The following KDM3A variants were observed in gnomAD, a reference collection of about 807,000 sequenced individuals.
KDM3A encodes lysine-specific demethylase 3A.
KDM3A carries 60 observed loss-of-function variants against 158.0 expected under a neutral mutation model. The observed-to-expected ratio is 0.38, with a 90% CI of 0.31 to 0.47. KDM3A has a LOEUF of 0.47. Among genes scored for constraint, KDM3A ranks in the 20% least tolerant of loss-of-function variants. KDM3A has a pLI of 0.99. For missense variants in KDM3A, 1,319 were observed against 1,574.3 expected, an observed-to-expected ratio of 0.84 and a Z score of 2.74; for synonymous variants, 608 against 549.3, an observed-to-expected ratio of 1.11 and a Z score of -1.49.
chr2:86,484,392 G>GTC (rs976869126), intron 19 of KDM3A, among the ~76,000 whole-genome samples: 2 of 152,174 alleles, frequency 1.3e-5, no homozygotes, highest in South Asian at 2.1e-4. Context: ...GATAGGGTCA[G>GTC]TCTCTCTCTC....
chr2:86,490,360 G>C (rs934679176), intron 23 of KDM3A: 1 of 152,930 alleles, frequency 6.5e-6, no homozygotes, highest in Admixed American at 6.5e-5. Flanking sequence ...GCATTTGTTT[G>C]AATCAAAGTG....
At chr2:86,469,674 AG>A (rs2104671605) in intron 10 of KDM3A, among the ~76,000 whole-genome samples, 1 of 152,332 alleles carries the variant, frequency 6.6e-6, no homozygotes, top group South Asian at 2.1e-4. Flanking sequence ...ACAGGCATTT[AG>A]AAGATGCTCT....
chr2:86,480,270 C>A lies in KDM3A; in HGVS notation c.2420C>A (p.Ala807Asp), dbSNP rs755035512. 19 of 1,613,862 alleles carry A rather than the reference C, an allele frequency of 1.2e-5. No individual in the cohort carries two copies. Among genetic ancestry groups the A allele is most frequent in the Non-Finnish European group, 1.6e-5 (19 of 1,180,008 alleles). The change falls in exon 16 of 26, where the codon GCC (alanine) becomes GAC (aspartate). Residue 807 changes from alanine (A) to aspartate (D), a missense_variant. Ala to Asp is a moderately radical substitution (Grantham distance 126). Coordinates refer to ENST00000312912, the MANE Select transcript of KDM3A (RefSeq NM_018433.6). ...AVGGEAASKP[A>D]GSMKPACPAS... ...GGTGGGGAAGCAGCCTCCAAGCCAG[C>A]CGGCAGCATGAAGCCTGCCTGTCCA...
At chr2:86,462,060 G>A (rs1016482497) in intron 8 of KDM3A, among the ~76,000 whole-genome samples, 3 of 151,980 alleles carry the variant, frequency 2.0e-5, no homozygotes, top group Admixed American at 6.6e-5. Context: ...ATGGAAGGAA[G>A]GTTGGTTAGG....
intron 2 of KDM3A, among the ~76,000 whole-genome samples, chr2:86,446,640 G>A (rs1682967769): frequency 6.6e-6 from 1 of 152,136 alleles, no homozygotes; most frequent in South Asian, 2.1e-4. Context: ...CATCTGGGAG[G>A]CAGAGGATGC....
chr2:86,475,370 C>T (rs112272054), intron 12 of KDM3A, among the ~76,000 whole-genome samples: 296 of 152,330 alleles, frequency 1.9e-3, no homozygotes, highest in African/African-American at 6.7e-3. Context: ...GGCTGACTCT[C>T]AGACCTACCG....
At position 86,449,953 on chromosome 2, in the gene KDM3A, G is replaced by T. The variant is rs1672373134; in HGVS notation, c.333G>T (p.Trp111Cys). Residue 111 changes from tryptophan to cysteine, a missense_variant, in exon 3 of 26, where the codon TGG becomes TGT. Around this residue, in one of 4 missense-constraint regions of KDM3A, gnomAD observed 652 missense variants for 627.2 expected, o/e 1.04. Coordinates refer to ENST00000312912, the MANE Select transcript of KDM3A (RefSeq NM_018433.6). ...SPEISERIVQWPAITYKPLLD... is the reference protein window; with the variant it reads ...SPEISERIVQCPAITYKPLLD... ...AAATTTCTGAACGAATTGTACAGTG[G>T]CCTGCAATAGTGAGTAAAACTTGGG... 6.2e-7 allele frequency: 1 copy of T among 1,610,642 alleles called. No individual in the cohort carries two copies.
In KDM3A at chr2:86,487,753, T is replaced by A. The variant is rs530738035; in HGVS notation, c.3314-1565T>A. On this transcript the variant is annotated intron_variant, in intron 21 of 25. Transcript: ENST00000312912. Reference sequence around the variant, plus strand: ...GATGTTTTGTTGTCTAGCACTCCTTTCCCTTTGACCATTATGTTTTTACAA... The same window carrying A: ...GATGTTTTGTTGTCTAGCACTCCTTACCCTTTGACCATTATGTTTTTACAA... 3 of 152,420 alleles carry A rather than the reference T, an allele frequency of 2.0e-5. No individual in the cohort carries two copies. The East Asian group carries it at 5.8e-4, about 29-fold the overall frequency. 9.4% of individuals were successfully genotyped at this position (152,420 alleles called of 1,614,324 possible).
rs200567558 is a variant in KDM3A at position 86,449,907 on chromosome 2, T to C, written c.287T>C (p.Leu96Ser). ...RAFLVEHNLV[L>S]AERKSPEISE... is the part of the protein sequence containing the mutation. ...TTTTTAGTAGAACATAATTTGGTTT[T>C]AGCTGAACGAAAGTCACCTGAAATT... The change falls in exon 3 of 26, where the codon TTA becomes TCA. Residue 96 changes from leucine to serine, a missense_variant. Around this residue, in one of 4 missense-constraint regions of KDM3A, gnomAD observed 652 missense variants for 627.2 expected, o/e 1.04. Coordinates refer to ENST00000312912, the MANE Select transcript of KDM3A (RefSeq NM_018433.6). 36 of 1,613,936 alleles carry C rather than the reference T, an allele frequency of 2.2e-5. No homozygotes were observed. The East Asian group carries it at 4.0e-4, about 18-fold the overall frequency.
At chr2:86,469,779 C>T (rs1292317171) in intron 10 of KDM3A, among the ~76,000 whole-genome samples, 1 of 152,136 alleles carries the variant, frequency 6.6e-6, no homozygotes, top group Non-Finnish European at 1.5e-5. Flanking sequence ...AAAAACACAC[C>T]TTAAACCAGT....
chr2:86,451,416 T>C (rs959471448), intron 4 of KDM3A, among the ~76,000 whole-genome samples: 2 of 152,158 alleles, frequency 1.3e-5, no homozygotes, highest in Non-Finnish European at 2.9e-5. Context: ...TGATAAACAG[T>C]TGGTTAACAT....
chr2:86,478,303 C>A, intron 14 of KDM3A, 38 bp downstream of exon 14: 2 of 1,441,818 alleles, frequency 1.4e-6, no homozygotes, highest in Non-Finnish European at 1.9e-6. Flanking sequence ...TTCCCCTTGT[C>A]TTGGTTAACT....
intron 11 of KDM3A, 112 bp from the exon 12 acceptor site, chr2:86,474,664 A>C (rs898914259): frequency 3.3e-4 from 55 of 166,926 alleles, no homozygotes; most frequent in South Asian, 7.4e-4. Flanking sequence ...ACTCCATCCC[A>C]AAAAAAAAAA....
At chr2:86,491,806 G>A in intron 25 of KDM3A, 1 of 535,132 alleles carries the variant, frequency 1.9e-6, no homozygotes, top group South Asian at 2.4e-5. Flanking sequence ...GGTCTACGTG[G>A]TATCAAAACC....
At chr2:86,471,373 GTATA>G (rs374732697) in intron 11 of KDM3A, among the ~76,000 whole-genome samples, 11,116 of 151,294 alleles carry the variant, frequency 0.073, 458 homozygotes, top group Non-Finnish European at 0.079. Flanking sequence ...GTGTATATAT[GTATA>G]TATATGTGTG....
intron 12 of KDM3A, among the ~76,000 whole-genome samples, chr2:86,475,751 G>C (rs118151888): frequency 6.6e-6 from 1 of 152,344 alleles, no homozygotes; most frequent in East Asian, 1.9e-4. Context: ...AGTGGTTGAA[G>C]TTAAAAGTGA....
intron 2 of KDM3A, among the ~76,000 whole-genome samples, chr2:86,445,695 AT>A (rs1168093317): frequency 6.6e-6 from 1 of 152,170 alleles, no homozygotes; most frequent in Non-Finnish European, 1.5e-5. Flanking sequence ...TTTGCACACC[AT>A]TGAAACTTTA....
At chr2:86,457,869 A>G (rs1344256467) in intron 8 of KDM3A, among the ~76,000 whole-genome samples, 1 of 152,234 alleles carries the variant, frequency 6.6e-6, no homozygotes, top group Non-Finnish European at 1.5e-5. Flanking sequence ...CTGTGGGTTC[A>G]GGTACCAGAT....
intron 8 of KDM3A, chr2:86,460,638 T>G (rs1672886742): frequency 6.6e-6 from 1 of 152,222 alleles, no homozygotes; most frequent in Non-Finnish European, 1.5e-5. Context: ...CTTGAAGGTC[T>G]TCTCTGCCTA....
Sources: gnomAD v4.1 joint callset for allele counts (sites outside exome capture counted in the v4.1 genomes callset) on GRCh38, gnomAD v4.1.1 for gene constraint, gnomAD v4.1.1 regional missense constraint, MANE v1.5 for transcripts, NCBI Gene and HGNC (gene_info 2026-07-23, HGNC 2026-07-21) for gene names.